The following ITPR1 variants were observed in gnomAD, a reference collection of about 807,000 sequenced individuals.
The protein encoded by ITPR1 is inositol 1,4,5-trisphosphate receptor type 1, also known as inositol 1,4,5-trisphosphate-gated calcium channel ITPR1.
ITPR1 carries 96 observed loss-of-function variants against 318.4 expected under a neutral mutation model. The ratio of observed to expected loss-of-function variants is 0.30; its 90% CI spans 0.26 to 0.36. The LOEUF (loss-of-function observed/expected upper bound fraction) is 0.36. Ranked by LOEUF, ITPR1 falls within the 10% of genes least tolerant of loss-of-function variation. The probability of loss-of-function intolerance (pLI) is 1.00; values close to 1 mark genes in which losing one functional copy is unlikely to be tolerated. For missense variants in ITPR1, 2,440 were observed against 3,460.2 expected, an observed-to-expected ratio of 0.71 and a Z score of 7.40; for synonymous variants, 1,312 against 1,289.9, an observed-to-expected ratio of 1.02 and a Z score of -0.37.
chr3:4,598,824 A>G (rs1358754747), intron 4 of ITPR1, among the ~76,000 whole-genome samples: 1 of 152,190 alleles, frequency 6.6e-6, no homozygotes, highest in Non-Finnish European at 1.5e-5. Flanking sequence ...GTGCAATTTT[A>G]TGTCATTTCC....
intron 31 of ITPR1, 142 bp downstream of exon 31, chr3:4,688,762 C>G: frequency 2.5e-6 from 2 of 805,348 alleles, no homozygotes; most frequent in Non-Finnish European, 3.8e-6. Flanking sequence ...ATTTTCATCA[C>G]TTATCACGAG....
Position 4,691,142 on chromosome 3 carries a change from A to G in ITPR1, c.3829-2A>G. ...GTGCTCTTTTCCTCACTCTTGTGCC[A>G]GATCCTGGAGGCAGTAACCATGCAG... On this transcript the variant is annotated splice_acceptor_variant, in intron 31 of 61. Transcript: ENST00000649015. LOFTEE classifies it high-confidence loss of function. The G allele has an allele frequency of 6.2e-7, 1 of 1,601,656 alleles. No individual in the cohort carries two copies. Among genetic ancestry groups the G allele is most frequent in the Non-Finnish European group, 8.5e-7 (1 of 1,171,114 alleles).
intron 4 of ITPR1, among the ~76,000 whole-genome samples, chr3:4,524,273 C>T (rs2082791020): frequency 7.0e-6 from 1 of 143,274 alleles, no homozygotes; most frequent in African/African-American, 2.6e-5. Context: ...CAAAGCATTC[C>T]TTCAACTGCG....
chr3:4,718,662 A>G (rs1183766416), intron 40 of ITPR1, among the ~76,000 whole-genome samples: 3 of 152,202 alleles, frequency 2.0e-5, no homozygotes, highest in Admixed American at 2.0e-4. Context: ...AGTCAATTCC[A>G]TAAGCACAGA....
intron 7 of ITPR1, among the ~76,000 whole-genome samples, chr3:4,643,858 G>GTTT (rs755844856): frequency 1.4e-5 from 2 of 144,062 alleles, no homozygotes; most frequent in Non-Finnish European, 1.5e-5. Flanking sequence ...AAACTGAACA[G>GTTT]TTTTTTTTTT....
intron 10 of ITPR1, among the ~76,000 whole-genome samples, chr3:4,651,693 A>G (rs1318943417): frequency 6.6e-6 from 1 of 152,210 alleles, no homozygotes; most frequent in African/African-American, 2.4e-5. Context: ...TTTTTCTGAT[A>G]CATTGGCCCC....
intron 12 of ITPR1, among the ~76,000 whole-genome samples, chr3:4,657,494 G>A (rs1301832388): frequency 6.8e-6 from 1 of 146,260 alleles, no homozygotes; most frequent in East Asian, 2.0e-4. Context: ...TTGAGACAGA[G>A]TCTCACTCTG....
At chr3:4,635,898 T>G (rs1459371073) in intron 5 of ITPR1, among the ~76,000 whole-genome samples, 1 of 152,056 alleles carries the variant, frequency 6.6e-6, no homozygotes, top group Non-Finnish European at 1.5e-5. Context: ...TTGCTTTTTT[T>G]TTTTGAGGCT....
intron 52 of ITPR1, among the ~76,000 whole-genome samples, chr3:4,790,875 T>C (rs1348033360): frequency 1.3e-5 from 2 of 152,226 alleles, no homozygotes; most frequent in African/African-American, 4.8e-5. Flanking sequence ...TAGTCTTCTG[T>C]GCACTCACAT....
rs373511110 is a variant in ITPR1 at position 4,681,624 on chromosome 3, A to AGTAT, written c.3161+208_3161+209insATGT. Among the ~76,000 whole-genome samples, 558 of 145,894 alleles carry AGTAT rather than the reference A, an allele frequency of 3.8e-3. 6 individuals carry two copies. The highest frequency in any genetic ancestry group is 4.6e-3 in the Non-Finnish European group (305 of 66,496). ...GAGAGTGAGAGAGAGAGAGAGAGAA[A>AGTAT]GTGTGTGTGTGTGTGTGTGTGTGTG... On this transcript the variant is annotated intron_variant, in intron 26 of 61. Coordinates refer to ENST00000649015, the MANE Select transcript of ITPR1 (RefSeq NM_001378452.1).
intron 42 of ITPR1, among the ~76,000 whole-genome samples, chr3:4,731,150 C>G (rs1419805206): frequency 6.6e-6 from 1 of 152,202 alleles, no homozygotes; most frequent in Non-Finnish European, 1.5e-5. Flanking sequence ...TCTTCATAGG[C>G]TTTCTTGAAT....
chr3:4,753,003 C>T (rs533683295), intron 44 of ITPR1, among the ~76,000 whole-genome samples: 4 of 152,270 alleles, frequency 2.6e-5, no homozygotes, highest in East Asian at 1.9e-4. Flanking sequence ...ACAGGCGCCA[C>T]GAAGCGTGGC....
At chr3:4,785,127 A>G (rs961476962) in intron 51 of ITPR1, among the ~76,000 whole-genome samples, 20 of 152,242 alleles carry the variant, frequency 1.3e-4, no homozygotes, top group African/African-American at 4.3e-4. Context: ...AAACAAACAA[A>G]AAAACAAAGC....
chr3:4,652,858 C>T (rs2093626651), intron 11 of ITPR1, among the ~76,000 whole-genome samples: 1 of 152,008 alleles, frequency 6.6e-6, no homozygotes, highest in Non-Finnish European at 1.5e-5. Context: ...TGTGGTGGTG[C>T]ACGCCTGTAG....
chr3:4,654,530 G>A (rs2093663123), intron 12 of ITPR1, among the ~76,000 whole-genome samples: 1 of 152,224 alleles, frequency 6.6e-6, no homozygotes, highest in African/African-American at 2.4e-5. Flanking sequence ...GAAGGCAGCG[G>A]TTGTGTTACA....
chr3:4,575,115 A>T (rs1019256030), intron 4 of ITPR1, among the ~76,000 whole-genome samples: 2 of 152,244 alleles, frequency 1.3e-5, no homozygotes, highest in African/African-American at 2.4e-5. Flanking sequence ...AGACTTTCTT[A>T]GGAAAACAAA....
intron 4 of ITPR1, among the ~76,000 whole-genome samples, chr3:4,624,197 T>C (rs994934089): frequency 6.6e-6 from 1 of 152,180 alleles, no homozygotes; most frequent in African/African-American, 2.4e-5. Context: ...AGAGAAAAGG[T>C]CATTTTACTC....
intron 44 of ITPR1, among the ~76,000 whole-genome samples, chr3:4,762,097 C>G (rs2045492761): frequency 6.6e-6 from 1 of 152,246 alleles, no homozygotes; most frequent in African/African-American, 2.4e-5. Flanking sequence ...TCATGTTTCA[C>G]TTCTACTCTT....
chr3:4,609,066 A>ATATG (rs1553643439), intron 4 of ITPR1, among the ~76,000 whole-genome samples: 1 of 78,982 alleles, frequency 1.3e-5, no homozygotes, highest in Non-Finnish European at 2.3e-5. Context: ...ATATATATAT[A>ATATG]TATATATATA....
Sources: allele counts gnomAD v4.1 joint callset (sites outside exome capture counted in the v4.1 genomes callset), GRCh38; gene constraint gnomAD v4.1.1; transcripts MANE v1.5; gene names NCBI Gene and HGNC (gene_info 2026-07-23, HGNC 2026-07-21).